The following SLC14A2 variants were observed in gnomAD, a reference collection of about 807,000 sequenced individuals.
The protein encoded by SLC14A2 is urea transporter 2.
Under a neutral mutation model 104.6 loss-of-function variants are expected in SLC14A2, and 91 were observed. The observed-to-expected ratio is 0.87, with a 90% CI of 0.73 to 1.04. The LOEUF (loss-of-function observed/expected upper bound fraction) is 1.04, where lower values mean the gene tolerates loss of function less well. Among genes scored for constraint, SLC14A2 ranks in the 50% least tolerant of loss-of-function variants. SLC14A2 has a pLI of 0.00. For synonymous variants in SLC14A2, 476 were observed against 466.4 expected, an observed-to-expected ratio of 1.02 and a Z score of -0.27; for missense variants, 1,189 against 1,156.0, an observed-to-expected ratio of 1.03 and a Z score of -0.41.
intron 1 of SLC14A2, among the ~76,000 whole-genome samples, chr18:45,262,480 C>T (rs980013407): frequency 2.6e-5 from 4 of 152,216 alleles, no homozygotes; most frequent in African/African-American, 7.2e-5. Flanking sequence ...TCCGGACTCT[C>T]ATTGTGTGCT....
intron 1 of SLC14A2, among the ~76,000 whole-genome samples, chr18:45,421,950 T>C (rs1449774210): frequency 6.6e-6 from 1 of 152,160 alleles, no homozygotes; most frequent in Non-Finnish European, 1.5e-5. Flanking sequence ...TGGACTTGAA[T>C]AGAATATGAC....
At position 45,666,916 on chromosome 18, in the gene SLC14A2, CT is replaced by C; in HGVS notation, c.1558-18del. 1 of 1,610,346 alleles carries C rather than the reference CT, an allele frequency of 6.2e-7. No individual in the cohort carries two copies. Among genetic ancestry groups the C allele is most frequent in the Non-Finnish European group, 8.5e-7 (1 of 1,177,268 alleles). On this transcript the variant is annotated intron_variant, in intron 12 of 19. Coordinates refer to ENST00000255226, the MANE Select transcript of SLC14A2 (RefSeq NM_007163.4). ...ACCACCGAATGTGGGAGACTCTTGC[CT>C]ATCTCTGTCCTGGACAGGATCTGGA... is the stretch of plus-strand genomic sequence containing the variant.
chr18:45,338,345 C>T (rs761410199), intron 1 of SLC14A2, among the ~76,000 whole-genome samples: 28 of 152,126 alleles, frequency 1.8e-4, no homozygotes, highest in Admixed American at 1.1e-3. Context: ...GGACTACAGG[C>T]GCTTGCCACC....
intron 10 of SLC14A2, among the ~76,000 whole-genome samples, chr18:45,648,347 AG>A (rs1286181250): frequency 2.6e-5 from 4 of 151,952 alleles, no homozygotes; most frequent in African/African-American, 9.7e-5. Flanking sequence ...CTGGGACTAC[AG>A]GCACCCGCCA....
chr18:45,446,221 T>A (rs1882324497), intron 1 of SLC14A2, among the ~76,000 whole-genome samples: 1 of 152,236 alleles, frequency 6.6e-6, no homozygotes, highest in African/African-American at 2.4e-5. Flanking sequence ...ATCATTGTTA[T>A]GGATAGAATG....
At chr18:45,427,203 C>T (rs1025127172) in intron 1 of SLC14A2, among the ~76,000 whole-genome samples, 35 of 151,838 alleles carry the variant, frequency 2.3e-4, no homozygotes, top group African/African-American at 8.5e-4. Flanking sequence ...CTGATATTCA[C>T]TTAATTTTTC....
At chr18:45,483,434 C>T (rs1167003740) in intron 2 of SLC14A2, 1 of 152,162 alleles carries the variant, frequency 6.6e-6, no homozygotes, top group African/African-American at 2.4e-5. Context: ...GTGATTACAA[C>T]CACACGGGAG....
intron 1 of SLC14A2, among the ~76,000 whole-genome samples, chr18:45,402,443 TC>T (rs1488893246): frequency 6.6e-6 from 1 of 152,230 alleles, no homozygotes; most frequent in African/African-American, 2.4e-5. Context: ...TCTTTAATTT[TC>T]ATACATTTTT....
the SLC14A2 span, among the ~76,000 whole-genome samples, chr18:45,182,473 T>C: frequency 6.6e-6 from 1 of 151,838 alleles, no homozygotes; most frequent in African/African-American, 2.4e-5. Context: ...TTTCAAACTT[T>C]GAAAAGATAA....
At chr18:45,675,694 T>TATATATCTATAG (rs1568006168) in intron 18 of SLC14A2, among the ~76,000 whole-genome samples, 3 of 58,320 alleles carry the variant, frequency 5.1e-5, no homozygotes, top group African/African-American at 1.9e-4. Flanking sequence ...TCTATATATA[T>TATATATCTATAG]ATATATATAT....
intron 1 of SLC14A2, among the ~76,000 whole-genome samples, chr18:45,416,232 G>A (rs934472812): frequency 6.7e-6 from 1 of 148,986 alleles, no homozygotes; most frequent in Non-Finnish European, 1.5e-5. Context: ...TGGCTTTGTA[G>A]GTTTCCTTTT....
At chr18:45,168,179 CT>C in the SLC14A2 span, among the ~76,000 whole-genome samples, 2 of 152,194 alleles carry the variant, frequency 1.3e-5, no homozygotes, top group Non-Finnish European at 2.9e-5. Flanking sequence ...CAAGCTTTAT[CT>C]TTCTCATTTC....
intron 2 of SLC14A2, among the ~76,000 whole-genome samples, chr18:45,504,710 G>A (rs2043254875): frequency 6.6e-6 from 1 of 152,216 alleles, no homozygotes; most frequent in South Asian, 2.1e-4. Context: ...GCACTAGCCT[G>A]TGGAAGCAAC....
intron 1 of SLC14A2, among the ~76,000 whole-genome samples, chr18:45,480,879 C>T (rs905538134): frequency 2.0e-5 from 3 of 152,094 alleles, no homozygotes; most frequent in Non-Finnish European, 4.4e-5. Context: ...CAGCATGAGT[C>T]AGAATGCTTC....
chr18:45,668,332 C>T lies in SLC14A2; in HGVS notation c.1908-17C>T. 6.2e-7 allele frequency: 1 copy of T among 1,613,462 alleles called. No individual in the cohort carries two copies. The highest frequency in any genetic ancestry group is 1.1e-5 in the South Asian group (1 of 91,016). ...TGGGGAAGCCCCTGCTCCACCTGAC[C>T]CTCCCTCTCCTGCCAGGTCGGCCAT... is the stretch of plus-strand genomic sequence containing the variant. On this transcript the variant is annotated splice_polypyrimidine_tract_variant and intron_variant, in intron 14 of 19. Transcript: ENST00000255226.
chr18:45,359,556 T>C (rs979420814), intron 1 of SLC14A2, among the ~76,000 whole-genome samples: 1 of 152,148 alleles, frequency 6.6e-6, no homozygotes, highest in African/African-American at 2.4e-5. Context: ...GGTGTTCGCC[T>C]AAAGGGAGGT....
At chr18:45,557,631 G>A (rs2144301337) in intron 2 of SLC14A2, among the ~76,000 whole-genome samples, 1 of 152,340 alleles carries the variant, frequency 6.6e-6, no homozygotes, top group South Asian at 2.1e-4. Context: ...GCCATGAGAA[G>A]TTTTTCCCTT....
At chr18:45,595,444 A>T (rs901446815) in intron 2 of SLC14A2, among the ~76,000 whole-genome samples, 1 of 152,176 alleles carries the variant, frequency 6.6e-6, no homozygotes, top group South Asian at 2.1e-4. Context: ...AAGATGCTAA[A>T]ATATAGGCAA....
chr18:45,611,843 A>G (rs2044977294), upstream of SLC14A2, among the ~76,000 whole-genome samples: 1 of 152,210 alleles, frequency 6.6e-6, no homozygotes, highest in Non-Finnish European at 1.5e-5. Context: ...ACACCCCATC[A>G]TGAGATTGAT....
Sources: gnomAD v4.1 joint callset for allele counts (sites outside exome capture counted in the v4.1 genomes callset) on GRCh38, gnomAD v4.1.1 for gene constraint, MANE v1.5 for transcripts, NCBI Gene and HGNC (gene_info 2026-07-23, HGNC 2026-07-21) for gene names.